Variants in TANC2 observed in about 807,000 individuals in gnomAD.
The protein encoded by TANC2 is tetratricopeptide repeat, ankyrin repeat and coiled-coil containing 2, also known as protein TANC2.
A neutral mutation model predicts 210.5 loss-of-function variants in TANC2; 26 were observed. The ratio of observed to expected loss-of-function variants is 0.12; its 90% CI spans 0.09 to 0.17. The LOEUF (loss-of-function observed/expected upper bound fraction) is 0.17. Among genes scored for constraint, TANC2 ranks in the 10% least tolerant of loss-of-function variants. TANC2 has a pLI of 1.00. For missense variants in TANC2, 2,129 were observed against 2,608.9 expected, an observed-to-expected ratio of 0.82 and a Z score of 4.01; for synonymous variants, 931 against 967.1, an observed-to-expected ratio of 0.96 and a Z score of 0.69.
intron 4 of TANC2, among the ~76,000 whole-genome samples, chr17:63,117,958 A>G (rs989731377): frequency 6.6e-6 from 1 of 152,180 alleles, no homozygotes; most frequent in Non-Finnish European, 1.5e-5. Context: ...ATTTATATGC[A>G]TATATGAACC....
chr17:63,262,865 G>A (rs1396719167), intron 8 of TANC2, among the ~76,000 whole-genome samples: 2 of 152,054 alleles, frequency 1.3e-5, no homozygotes, highest in Non-Finnish European at 2.9e-5. Context: ...TTTAAAATAA[G>A]ACATTAGATA....
intron 9 of TANC2, among the ~76,000 whole-genome samples, chr17:63,284,750 G>C (rs1014425216): frequency 6.6e-6 from 1 of 151,896 alleles, no homozygotes; most frequent in African/African-American, 2.4e-5. Flanking sequence ...ATATCAAATA[G>C]GTCAAATTGT....
rs2046606547 is a variant in TANC2 at position 63,351,497 on chromosome 17, C to T, written c.1974+81C>T. 15 of 1,186,572 alleles carry T rather than the reference C, an allele frequency of 1.3e-5. No individual in the cohort carries two copies. The South Asian group carries it at 2.8e-4, about 22-fold the overall frequency. 73.5% of individuals were successfully genotyped at this position (1,186,572 alleles called of 1,614,324 possible). A position where few individuals can be genotyped will look rare whatever the true frequency, so the allele number is the denominator to read the frequency against. ...CTGAAAAAGTTCTAGGTCCTAGTTT[C>T]ATAAACTTCTACTATGTCCTAGAGC... On this transcript the variant is annotated intron_variant, in intron 13 of 27. Coordinates refer to ENST00000689528, the Ensembl canonical transcript of TANC2.
intron 5 of TANC2, among the ~76,000 whole-genome samples, chr17:63,163,292 G>C (rs1014095400): frequency 2.0e-5 from 3 of 152,148 alleles, no homozygotes; most frequent in African/African-American, 7.2e-5. Context: ...ATAACTATGG[G>C]AGTGGGTGAC....
rs376385194 is a variant in TANC2 at position 63,112,355 on chromosome 17, C to G, written c.322+12998C>G. On this transcript the variant is annotated intron_variant, in intron 4 of 27. Coordinates refer to ENST00000689528, the Ensembl canonical transcript of TANC2. ...AGGAAGTAAGTGGAACCTGTTAATC[C>G]AAGGGAATCTAGGGGGAGGCAGTAG... Among the ~76,000 whole-genome samples the G allele has an allele frequency of 3.5e-4, 53 of 152,158 alleles. No homozygotes were observed. The Middle Eastern group carries it at 0.027, about 78-fold the overall frequency.
chr17:63,421,734 G>A lies in TANC2; in HGVS notation c.6004G>A (p.Asp2002Asn), dbSNP rs1426698867. The A allele has an allele frequency of 1.9e-6, 3 of 1,614,020 alleles. No individual in the cohort carries two copies. The highest frequency in any genetic ancestry group is 1.7e-6 in the Non-Finnish European group (2 of 1,179,906). ...ACAGAATGGCCATTTGCTGGAGGAC[G>A]ATTATTACAGCCCCCATGGGATGCT... The change falls in exon 28 of 28, where the codon GAT becomes AAT. Residue 2002 changes from aspartate (D) to asparagine (N), a missense_variant. Physicochemically the swap from Asp to Asn is conservative, Grantham distance 23 (BLOSUM62 1). Coordinates refer to ENST00000689528, the Ensembl canonical transcript of TANC2. This position sits in a 1 kb window ranked among gnomAD's most constrained non-coding sequence, Gnocchi z 6.9.
rs143389476 is a variant in TANC2, at chr17:63,166,309, C to CAG, written c.433+14949_433+14950dup. 2.0e-3 allele frequency among the ~76,000 whole-genome samples: 300 copies of CAG among 149,434 alleles called. 3 individuals are homozygous for CAG. Among genetic ancestry groups the CAG allele is most frequent in the African/African-American group, 5.8e-3 (238 of 40,764 alleles). On this transcript the variant is annotated intron_variant, in intron 5 of 27. Coordinates refer to ENST00000689528, the Ensembl canonical transcript of TANC2. ...ATAAAAATTGTATTCCTAGATAGCA[C>CAG]AGAGAGAGAGAGAGAGAGAGATAGA...
At chr17:63,404,529 C>T (rs909534448) in intron 19 of TANC2, among the ~76,000 whole-genome samples, 1 of 152,096 alleles carries the variant, frequency 6.6e-6, no homozygotes, top group African/African-American at 2.4e-5. Flanking sequence ...AGACTGCTAC[C>T]TTGAATCATT....
chr17:63,265,250 A>G (rs1050265086), intron 8 of TANC2, among the ~76,000 whole-genome samples: 3 of 152,162 alleles, frequency 2.0e-5, no homozygotes, highest in South Asian at 4.1e-4. Flanking sequence ...AGATTTTTGG[A>G]TTATGAATGC....
At chr17:63,094,871 A>G (rs1420626222) in intron 3 of TANC2, among the ~76,000 whole-genome samples, 2 of 152,110 alleles carry the variant, frequency 1.3e-5, no homozygotes, top group African/African-American at 4.8e-5. Context: ...TCTCCATCAT[A>G]TTATCTCAGT....
At chr17:63,204,515 A>C (rs898210938) in intron 7 of TANC2, among the ~76,000 whole-genome samples, 9 of 152,064 alleles carry the variant, frequency 5.9e-5, no homozygotes, top group Non-Finnish European at 1.2e-4. Flanking sequence ...TTGTAGTCCC[A>C]GCTCCTTGGG....
chr17:63,379,880 G>T, intron 15 of TANC2, 54 bp downstream of exon 15: 1 of 1,443,078 alleles, frequency 6.9e-7, no homozygotes, highest in Non-Finnish European at 9.6e-7. Flanking sequence ...ACTTTCATAT[G>T]CTTTATGTAA....
At chr17:63,315,989 G>A (rs1196842299) in intron 10 of TANC2, among the ~76,000 whole-genome samples, 4 of 152,138 alleles carry the variant, frequency 2.6e-5, no homozygotes, top group Non-Finnish European at 4.4e-5. Flanking sequence ...AGTACTGTGG[G>A]AGTCAGGAGC....
At chr17:63,123,917 G>A (rs1383098005) in intron 4 of TANC2, among the ~76,000 whole-genome samples, 2 of 151,944 alleles carry the variant, frequency 1.3e-5, no homozygotes, top group African/African-American at 2.4e-5. Flanking sequence ...TGGCCAGGCT[G>A]GTCTTGAATG....
chr17:63,191,838 G>A (rs2041196418), intron 5 of TANC2, among the ~76,000 whole-genome samples: 1 of 152,134 alleles, frequency 6.6e-6, no homozygotes, highest in African/African-American at 2.4e-5. Context: ...ATAGGGAAGA[G>A]GTTACTGACA....
intron 14 of TANC2, among the ~76,000 whole-genome samples, chr17:63,362,845 C>T (rs1217730980): frequency 6.6e-6 from 1 of 152,216 alleles, no homozygotes; most frequent in Non-Finnish European, 1.5e-5. Context: ...GCAGCCATGG[C>T]TGGGCAGGGC....
At chr17:63,314,153 T>C (rs2045230478) in intron 9 of TANC2, among the ~76,000 whole-genome samples, 1 of 152,192 alleles carries the variant, frequency 6.6e-6, no homozygotes, top group Admixed American at 6.5e-5. Flanking sequence ...ATCAAGTAAA[T>C]CATTAATGTT....
intron 1 of TANC2, chr17:63,005,281 TC>T: frequency 6.6e-6 from 1 of 152,326 alleles, no homozygotes; most frequent in Non-Finnish European, 1.5e-5. Context: ...GACTGTCTGT[TC>T]TATTCTGTTG....
intron 5 of TANC2, among the ~76,000 whole-genome samples, chr17:63,165,806 T>G (rs2040191950): frequency 6.6e-6 from 1 of 152,240 alleles, no homozygotes; most frequent in Non-Finnish European, 1.5e-5. Flanking sequence ...AATAAGGGAA[T>G]AATATGGAAA....
Sources: allele counts gnomAD v4.1 joint callset (sites outside exome capture counted in the v4.1 genomes callset), GRCh38; gene constraint gnomAD v4.1.1; non-coding constraint Gnocchi (gnomAD v3.1); transcripts MANE v1.5; gene names NCBI Gene and HGNC (gene_info 2026-07-23, HGNC 2026-07-21).